ZNF142: variants seen among roughly 807,000 people sequenced by gnomAD.
The protein encoded by ZNF142 is zinc finger protein 142, also known as zinc finger protein 142 (clone pHZ-49).
A neutral mutation model predicts 132.1 loss-of-function variants in ZNF142; 96 were observed. The ratio of observed to expected loss-of-function variants is 0.73; its 90% confidence interval spans 0.62 to 0.86. ZNF142 has a LOEUF of 0.86. ZNF142 is among the 40% of genes least tolerant of loss of function. The pLI, the probability that ZNF142 is intolerant of heterozygous loss-of-function variation, is 0.00. For missense variants in ZNF142, 2,163 were observed against 2,336.2 expected, an observed-to-expected ratio of 0.93 and a Z score of 1.53; for synonymous variants, 842 against 890.1, an observed-to-expected ratio of 0.95 and a Z score of 0.96.
At chr2:218,651,458 G>A (rs1438852629) in intron 5 of ZNF142, among the ~76,000 whole-genome samples, 2 of 152,208 alleles carry the variant, frequency 1.3e-5, no homozygotes, top group Non-Finnish European at 2.9e-5. Context: ...AGTAACTTCA[G>A]GCCACACGTA....
At position 218,635,676 on chromosome 2, in the gene ZNF142, A is replaced by G. The variant is rs999744325; in HGVS notation, c.*2663T>C. 3.3e-5 allele frequency: 44 copies of G among 1,346,790 alleles called. No individual in the cohort carries two copies. Among genetic ancestry groups the G allele is most frequent in the Non-Finnish European group, 4.2e-5 (42 of 1,003,700 alleles). The allele number at this position is 1,346,790 out of a possible 1,614,324, so 83.4% of individuals were successfully genotyped here. On this transcript the variant is annotated 3_prime_UTR_variant, in exon 11 of 11. Transcript: ENST00000411696. ...TGCAGATAGAATACTAGAAGAAAATATATTACCCATGGAGGATGTTTTACA... is the reference window on the plus strand; with the variant it reads ...TGCAGATAGAATACTAGAAGAAAATGTATTACCCATGGAGGATGTTTTACA...
In ZNF142 at chr2:218,642,470, T is replaced by C; in HGVS notation, c.4646A>G (p.Lys1549Arg). Residue 1549 changes from lysine to arginine, a missense_variant, in exon 9 of 11, where the codon AAA (lysine) becomes AGA (arginine). This residue lies in a region of ZNF142 where 809 missense variants were observed against 801.7 expected (regional missense o/e 1.01). Transcript: ENST00000411696. This position sits in a 1 kb window ranked among gnomAD's most constrained non-coding sequence, Gnocchi z 4.6. Reference protein sequence around the residue: ...SPASLRGHTRKQHPRLECGAC... With the variant: ...SPASLRGHTRRQHPRLECGAC... ...CCCACACTCAAGCCGTGGGTGCTGT[T>C]TACGGGTGTGTCCTCGTAAGCTGGC... 6.2e-7 allele frequency: 1 copy of C among 1,610,708 alleles called. No homozygotes were observed. Among genetic ancestry groups the C allele is most frequent in the Non-Finnish European group, 8.5e-7 (1 of 1,178,286 alleles).
intron 9 of ZNF142, among the ~76,000 whole-genome samples, chr2:218,641,487 G>A (rs963514616): frequency 2.1e-5 from 3 of 145,340 alleles, no homozygotes; most frequent in African/African-American, 5.1e-5. Flanking sequence ...CTCATGATCC[G>A]CCCACCTTGG....
At chr2:218,658,063 CA>C (rs148872119) in intron 3 of ZNF142, among the ~76,000 whole-genome samples, 5,455 of 152,280 alleles carry the variant, frequency 0.036, 323 homozygotes, top group African/African-American at 0.12. Context: ...ATTTCAAACT[CA>C]TTAACTGACT....
In ZNF142 at chr2:218,634,217, G is replaced by C. The variant is rs1351137578; in HGVS notation, c.*4122C>G. The C allele has an allele frequency of 5.0e-6, 8 of 1,608,690 alleles. No homozygotes were observed. The East Asian group carries it at 1.6e-4, about 31-fold the overall frequency. On this transcript the variant is annotated 3_prime_UTR_variant, in exon 11 of 11. Transcript: ENST00000411696. This position sits in a 1 kb window ranked among gnomAD's most constrained non-coding sequence, Gnocchi z 4.0. ...AGGAACTCTGGAATGCAGGCTGCCA[G>C]ATGGGTGAGGAGGCAGCAGGGACTG...
intron 3 of ZNF142, among the ~76,000 whole-genome samples, chr2:218,657,933 A>G (rs751188660): frequency 2.6e-5 from 4 of 152,212 alleles, no homozygotes; most frequent in Admixed American, 6.5e-5. Flanking sequence ...AACGAACACA[A>G]ATCACCCACA....
chr2:218,651,509 C>T (rs555249818), intron 5 of ZNF142, among the ~76,000 whole-genome samples, 192 bp downstream of exon 5: 1 of 152,374 alleles, frequency 6.6e-6, no homozygotes, highest in East Asian at 1.9e-4. Context: ...ACAAAGACTT[C>T]CTCTTTGTCC....
Position 218,633,823 on chromosome 2 carries a change from C to A in ZNF142, c.*4516G>T. The A allele has an allele frequency of 6.3e-7, 1 of 1,576,038 alleles. No individual in the cohort carries two copies. Among genetic ancestry groups the A allele is most frequent in the Non-Finnish European group, 8.7e-7 (1 of 1,152,108 alleles). ...GATGGATAGGTTCAGGCCTGATGGA[C>A]TGGCAGGTAAGTCCCAAGAAAAAAG... On this transcript the variant is annotated 3_prime_UTR_variant, in exon 11 of 11. Coordinates refer to ENST00000411696, the MANE Select transcript of ZNF142 (RefSeq NM_001379659.1).
rs1258805200 is a variant in ZNF142, at chr2:218,636,778, G to T, written c.*1561C>A. The T allele has an allele frequency of 1.5e-6, 1 of 647,912 alleles. No individual in the cohort carries two copies. 40.1% of individuals were successfully genotyped at this position (647,912 alleles called of 1,614,324 possible). On this transcript the variant is annotated 3_prime_UTR_variant, in exon 11 of 11. Coordinates refer to ENST00000411696, the MANE Select transcript of ZNF142 (RefSeq NM_001379659.1). ...TTTTTCTCTTTTCTTCCCTTCCTTTGTTTTCATAAGCCTTTGGTATCTTTC... is the reference window on the plus strand; with the variant it reads ...TTTTTCTCTTTTCTTCCCTTCCTTTTTTTTCATAAGCCTTTGGTATCTTTC...
At chr2:218,648,598 T>C in intron 7 of ZNF142, 37 bp downstream of exon 7, 1 of 1,585,534 alleles carries the variant, frequency 6.3e-7, no homozygotes, top group Non-Finnish European at 8.6e-7. Flanking sequence ...CCACCATCAT[T>C]ATTACAACAT....
intron 4 of ZNF142, among the ~76,000 whole-genome samples, chr2:218,653,098 G>A (rs531440312): frequency 2.0e-5 from 3 of 152,108 alleles, no homozygotes; most frequent in Admixed American, 1.3e-4. Flanking sequence ...GGCTAACATG[G>A]TGAAAACCCG....
chr2:218,642,388 C>G lies in ZNF142; in HGVS notation c.4728G>C (p.Gln1576His). 1 of 1,612,944 alleles carries G rather than the reference C, an allele frequency of 6.2e-7. No homozygotes were observed. The highest frequency in any genetic ancestry group is 8.5e-7 in the Non-Finnish European group (1 of 1,180,038). ...AGAGCTGACAGCGGTGGCTGAAATG[C>G]TGCTGCCTCCGGTGCTCATCCAGAG... Reference protein sequence around the residue: ...RLALDEHRRQQHFSHRCQLCD... With the variant: ...RLALDEHRRQHHFSHRCQLCD... The change falls in exon 9 of 11, where the codon CAG becomes CAC. Residue 1576 changes from glutamine to histidine, a missense_variant. By Grantham distance (24) the Gln-to-His change is conservative (BLOSUM62 0). Coordinates refer to ENST00000411696, the MANE Select transcript of ZNF142 (RefSeq NM_001379659.1). This position sits in a 1 kb window ranked among gnomAD's most constrained non-coding sequence, Gnocchi z 4.6.
intron 4 of ZNF142, among the ~76,000 whole-genome samples, chr2:218,654,866 C>T (rs1938343817): frequency 6.6e-6 from 1 of 151,910 alleles, no homozygotes; most frequent in African/African-American, 2.4e-5. Context: ...GGGAAGATTG[C>T]TTGAGCCCAG....
In ZNF142 at chr2:218,633,634, C is replaced by T; in HGVS notation, c.*4705G>A. The T allele has an allele frequency of 6.2e-7, 1 of 1,613,772 alleles. No individual in the cohort carries two copies. The highest frequency in any genetic ancestry group is 8.5e-7 in the Non-Finnish European group (1 of 1,179,660). ...CCAAGCCCATCTTGTGTCCAGCCCTCTCTTCCCTGGTTATCTACTTGAAGT... is the reference window on the plus strand; with the variant it reads ...CCAAGCCCATCTTGTGTCCAGCCCTTTCTTCCCTGGTTATCTACTTGAAGT... On this transcript the variant is annotated 3_prime_UTR_variant, in exon 11 of 11. Transcript: ENST00000411696.
At chr2:218,645,452 C>G (rs1170361500) in intron 8 of ZNF142, among the ~76,000 whole-genome samples, 1 of 152,188 alleles carries the variant, frequency 6.6e-6, no homozygotes, top group Non-Finnish European at 1.5e-5. Context: ...GCCTCATTTC[C>G]CTTCTCCCAC....
chr2:218,648,601 TACA>T lies in ZNF142; in HGVS notation c.1873+31_1873+33del, dbSNP rs768254892. 2.3e-5 allele frequency: 37 copies of T among 1,589,228 alleles called. No individual in the cohort carries two copies. The East Asian group carries it at 2.5e-4, about 11-fold the overall frequency. On this transcript the variant is annotated intron_variant, in intron 7 of 10. Transcript: ENST00000411696. ...TAGCCAGTATCACCACCATCATTAT[TACA>T]ACATTATTTTAAGGATGGAAACCAT... is the stretch of plus-strand genomic sequence containing the variant.
In ZNF142 at chr2:218,648,836, A is replaced by G. The variant is rs777268365; in HGVS notation, c.1672T>C (p.Phe558Leu). ...TGGCCCTGCTTCTTGTGTTTACGGA[A>G]TAGGTGCTTATTGGAACAAGCAAAA... is the stretch of plus-strand genomic sequence containing the variant. ...CDFACSNKHL[F>L]RKHKKQGHPG... Residue 558 changes from phenylalanine (F) to leucine (L), a missense_variant, in exon 7 of 11, where the codon TTC (phenylalanine) becomes CTC (leucine). This residue lies in a region of ZNF142 where 749 missense variants were observed against 830.3 expected (regional missense o/e 0.90). Transcript: ENST00000411696. The G allele has an allele frequency of 1.9e-6, 3 of 1,614,098 alleles. No individual in the cohort carries two copies. Among genetic ancestry groups the G allele is most frequent in the Non-Finnish European group, 2.5e-6 (3 of 1,180,038 alleles).
chr2:218,652,369 T>C, intron 4 of ZNF142, 69 bp from the exon 5 acceptor site: 1 of 449,378 alleles, frequency 2.2e-6, no homozygotes, highest in South Asian at 1.6e-5. Context: ...AGTTAGTTAC[T>C]AGTAGAAAAT....
chr2:218,644,305 T>C lies in ZNF142; in HGVS notation c.2811A>G (p.Pro937=). 1 of 1,614,148 alleles carries C rather than the reference T, an allele frequency of 6.2e-7. No individual in the cohort carries two copies. The highest frequency in any genetic ancestry group is 8.5e-7 in the Non-Finnish European group (1 of 1,180,022). Residue 937 remains proline (P), a synonymous_variant, in exon 9 of 11, where the codon CCA becomes CCG. Coordinates refer to ENST00000411696, the MANE Select transcript of ZNF142 (RefSeq NM_001379659.1). The surrounding 1 kb of genome is among the most constrained non-coding windows in gnomAD (Gnocchi z 4.6). The part of the protein sequence containing the change: ...GLEGPDGLEG[P]ELSSFEGIGT... ...CAATACCTTCAAAGCTAGATAGCTC[T>C]GGTCCTTCCAGTCCATCTGGCCCTT...
Sources: gnomAD v4.1 joint callset for allele counts (sites outside exome capture counted in the v4.1 genomes callset) on GRCh38, gnomAD v4.1.1 for gene constraint, gnomAD v4.1.1 regional missense constraint, Gnocchi (gnomAD v3.1) non-coding constraint, MANE v1.5 for transcripts, NCBI Gene and HGNC (gene_info 2026-07-23, HGNC 2026-07-21) for gene names.